NCOR2: variants seen among roughly 807,000 people sequenced by gnomAD.
NCOR2 encodes CTG repeat protein 26.
NCOR2 carries 81 observed loss-of-function variants against 262.9 expected under a neutral mutation model. That is an observed-to-expected ratio of 0.31 (90% CI 0.26 to 0.37). The LOEUF is 0.37. Ranked by LOEUF, NCOR2 falls within the 10% of genes least tolerant of loss-of-function variation. The probability of loss-of-function intolerance (pLI) is 1.00; values close to 1 mark genes in which losing one functional copy is unlikely to be tolerated. For missense variants in NCOR2, 3,385 were observed against 3,621.4 expected (o/e 0.93, Z 1.68); for synonymous variants, 1,659 against 1,559.3 (o/e 1.06, Z -1.51).
chr12:124,433,869 C>CAA (rs1555222653), intron 8 of NCOR2, among the ~76,000 whole-genome samples: 5 of 50,470 alleles, frequency 9.9e-5, no homozygotes, highest in African/African-American at 1.9e-4. Flanking sequence ...CACACACACA[C>CAA]ACACACACAC....
At chr12:124,524,640 A>G (rs1223991879) in intron 1 of NCOR2, among the ~76,000 whole-genome samples, 1 of 151,866 alleles carries the variant, frequency 6.6e-6, no homozygotes, top group African/African-American at 2.4e-5. Flanking sequence ...GGACCCATCA[A>G]CTCCCCGTCA....
chr12:124,422,123 C>T (rs2043237854), intron 12 of NCOR2, among the ~76,000 whole-genome samples: 1 of 152,222 alleles, frequency 6.6e-6, no homozygotes, highest in Admixed American at 6.5e-5. Context: ...GGATGCCAGG[C>T]ACGTAGTGCT....
chr12:124,401,863 C>T (rs2042003213), intron 14 of NCOR2, among the ~76,000 whole-genome samples: 1 of 152,242 alleles, frequency 6.6e-6, no homozygotes, highest in African/African-American at 2.4e-5. Flanking sequence ...TGCCGCCCCC[C>T]TTTCTCCAGC....
chr12:124,340,162 C>T (rs2036329715), exon 37 of NCOR2: 2 of 1,559,926 alleles, frequency 1.3e-6, no homozygotes, highest in Non-Finnish European at 8.6e-7. Flanking sequence ...GCGGCTGCTG[C>T]TGCCCCCACC....
chr12:124,515,591 A>G (rs917380379), intron 1 of NCOR2, among the ~76,000 whole-genome samples: 1 of 151,692 alleles, frequency 6.6e-6, no homozygotes, highest in African/African-American at 2.4e-5. Context: ...GTGCGCATGT[A>G]TCTGTGTGGG....
chr12:124,500,210 C>T (rs887486208), upstream of NCOR2, among the ~76,000 whole-genome samples: 1 of 152,166 alleles, frequency 6.6e-6, no homozygotes, highest in Non-Finnish European at 1.5e-5. Context: ...CTCTGCACAT[C>T]CAAGCCACCA....
chr12:124,344,810 G>A (rs754766110), exon 32 of NCOR2: 44 of 1,554,472 alleles, frequency 2.8e-5, no homozygotes, highest in Non-Finnish European at 3.7e-5. Context: ...TAGCAGGCAC[G>A]TTCCAGTGCC....
intron 6 of NCOR2, among the ~76,000 whole-genome samples, chr12:124,452,690 C>T (rs547181805): frequency 1.3e-5 from 2 of 152,232 alleles, no homozygotes; most frequent in Non-Finnish European, 2.9e-5. Flanking sequence ...CGGCACAGGG[C>T]GGGTGCAGAA....
At chr12:124,340,784 C>T in intron 34 of NCOR2, 33 bp from the exon 37 acceptor site, 3 of 1,483,040 alleles carry the variant, frequency 2.0e-6, no homozygotes, top group Non-Finnish European at 2.7e-6. Context: ...GCTGTAGCCA[C>T]AGGGAGGAGA....
At chr12:124,347,016 T>C (rs1004405445) in intron 30 of NCOR2, among the ~76,000 whole-genome samples, 166 bp from the exon 33 acceptor site, 28 of 152,250 alleles carry the variant, frequency 1.8e-4, no homozygotes, top group African/African-American at 6.5e-4. Context: ...TCTTCACACA[T>C]AAAACAAGAA....
chr12:124,388,855 C>T (rs936309269), intron 16 of NCOR2: 34 of 1,183,454 alleles, frequency 2.9e-5, no homozygotes, highest in Admixed American at 2.7e-4. Flanking sequence ...CATCCTTCTC[C>T]GTCCCACGGT....
chr12:124,439,414 CAGAG>C (rs773057938), intron 7 of NCOR2, among the ~76,000 whole-genome samples: 3 of 35,234 alleles, frequency 8.5e-5, no homozygotes, highest in Non-Finnish European at 1.3e-4. Flanking sequence ...GACAGAGACC[CAGAG>C]AGAGAGAGAG....
chr12:124,347,895 G>T, exon 30 of NCOR2: 1 of 1,563,498 alleles, frequency 6.4e-7, no homozygotes, highest in South Asian at 1.2e-5. Context: ...CCGGCGGGAT[G>T]GCACGGCCCA....
intron 16 of NCOR2, among the ~76,000 whole-genome samples, chr12:124,387,949 C>A (rs2040941082): frequency 6.6e-6 from 1 of 152,052 alleles, no homozygotes; most frequent in African/African-American, 2.4e-5. Flanking sequence ...CCCAACAACA[C>A]TGGGGAGGTT....
chr12:124,345,945 T>G (rs1204545623), intron 31 of NCOR2, among the ~76,000 whole-genome samples: 1 of 152,164 alleles, frequency 6.6e-6, no homozygotes. Flanking sequence ...GAACAGCTCC[T>G]CGTCCTCGTA....
At chr12:124,335,686 C>T (rs1294712265) in intron 38 of NCOR2, 54 bp from the exon 41 acceptor site, 15 of 1,546,682 alleles carry the variant, frequency 9.7e-6, no homozygotes, top group South Asian at 4.7e-5. Flanking sequence ...TTTCGGAGCC[C>T]GAGGGGCAGG....
rs113603401 is a variant in NCOR2 at position 124,557,493 on chromosome 12, C to T, written c.-165+9815G>A. ...GTCTTTTTGTCCTCTTATAAGGACA[C>T]GGGCCACTGGATTTAGGGCCCACCC... On this transcript the variant is annotated intron_variant, in intron 1 of 32. Coordinates refer to the NCOR2 transcript ENST00000458234. Among the ~76,000 whole-genome samples, 771 of 152,252 alleles carry T rather than the reference C, an allele frequency of 5.1e-3. 3 individuals are homozygous for T. Among genetic ancestry groups the T allele is most frequent in the Middle Eastern group, 0.01 (3 of 294 alleles).
At chr12:124,556,850 CAAA>C (rs11309290) in intron 1 of NCOR2, among the ~76,000 whole-genome samples, 1 of 128,886 alleles carries the variant, frequency 7.8e-6, no homozygotes, top group Non-Finnish European at 1.7e-5. Context: ...CTCTTTGTCT[CAAA>C]AAAAAAAAAA....
intron 5 of NCOR2, among the ~76,000 whole-genome samples, chr12:124,463,555 T>C (rs2046281520): frequency 6.6e-6 from 1 of 152,192 alleles, no homozygotes; most frequent in Non-Finnish European, 1.5e-5. Flanking sequence ...GTGCTCCGAA[T>C]GGATAATGAG....
Sources: gnomAD v4.1 joint callset for allele counts (sites outside exome capture counted in the v4.1 genomes callset) on GRCh38, gnomAD v4.1.1 for gene constraint, MANE v1.5 for transcripts, NCBI Gene and HGNC (gene_info 2026-07-23, HGNC 2026-07-21) for gene names.